Variants in UGT1A9 observed in about 807,000 individuals in gnomAD.
UGT1A9 encodes the protein UDP glucuronosyltransferase family 1 member A9.
Under a neutral mutation model 45.0 loss-of-function variants are expected in UGT1A9, and 35 were observed. The ratio of observed to expected loss-of-function variants is 0.78; its 90% CI spans 0.59 to 1.03. The LOEUF (loss-of-function observed/expected upper bound fraction) is 1.03, where lower values mean the gene tolerates loss of function less well. Among genes scored for constraint, UGT1A9 ranks in the 50% least tolerant of loss-of-function variants. UGT1A9 has a pLI of 0.00. For synonymous variants in UGT1A9, 278 were observed against 250.6 expected, an observed-to-expected ratio of 1.11 and a Z score of -1.03; for missense variants, 687 against 666.6, an observed-to-expected ratio of 1.03 and a Z score of -0.34.
intron 1 of UGT1A9, among the ~76,000 whole-genome samples, chr2:233,677,328 T>C (rs922470813): frequency 6.6e-6 from 1 of 152,144 alleles, no homozygotes; most frequent in African/African-American, 2.4e-5. Flanking sequence ...TCATTGCTAG[T>C]ATAGTTGACC....
At chr2:233,750,527 A>G (rs552056379) in intron 1 of UGT1A9, 33 of 152,112 alleles carry the variant, frequency 2.2e-4, no homozygotes, top group Admixed American at 4.6e-4. Flanking sequence ...ACAATGGGGA[A>G]AATGGCTTCA....
chr2:233,725,827 T>G (rs1405818881), intron 1 of UGT1A9, among the ~76,000 whole-genome samples: 1 of 152,182 alleles, frequency 6.6e-6, no homozygotes. Flanking sequence ...ATACCAGTAT[T>G]GCTACTCCTA....
intron 1 of UGT1A9, chr2:233,681,792 T>A: frequency 2.0e-6 from 3 of 1,465,540 alleles, no homozygotes; most frequent in Non-Finnish European, 1.8e-6. Context: ...TATGAGTAAA[T>A]CATTGGCAGT....
At position 233,729,418 on chromosome 2, in the gene UGT1A9, C is replaced by G. The variant is rs767075573; in HGVS notation, c.856-37616C>G. 8.1e-6 allele frequency: 13 copies of G among 1,613,638 alleles called. No individual in the cohort carries two copies. In the African/African-American group the frequency reaches 1.5e-4, roughly 18 times the overall value. The stretch of plus-strand genomic sequence containing the variant: ...TGATCGCCATGTGCTGGGCCACACT[C>G]AACTGTACTTTGAAACAGAACATTT... On this transcript the variant is annotated intron_variant, in intron 1 of 4. Coordinates refer to ENST00000354728, the MANE Select transcript of UGT1A9 (RefSeq NM_021027.3).
chr2:233,733,504 G>A lies in UGT1A9; in HGVS notation c.856-33530G>A, dbSNP rs556302512. ...TCCATCAATACCTAGTTTATTGCCA[G>A]TTTTAGGCATGAAGGGATGTTTAAT... On this transcript the variant is annotated intron_variant, in intron 1 of 4. Coordinates refer to ENST00000354728, the MANE Select transcript of UGT1A9 (RefSeq NM_021027.3). 2.0e-5 allele frequency among the ~76,000 whole-genome samples: 3 copies of A among 152,294 alleles called. No individual in the cohort carries two copies. In the South Asian group the frequency reaches 6.2e-4, roughly 32 times the overall value.
At chr2:233,719,076 C>A (rs2076722760) in intron 1 of UGT1A9, 1 of 1,614,264 alleles carries the variant, frequency 6.2e-7, no homozygotes, top group East Asian at 2.2e-5. Context: ...TCCATGGACC[C>A]AGAAGGAATT....
chr2:233,757,985 C>T (rs925292779), intron 1 of UGT1A9, among the ~76,000 whole-genome samples: 4 of 152,150 alleles, frequency 2.6e-5, no homozygotes, highest in African/African-American at 7.2e-5. Context: ...AGAGCACCAT[C>T]CCCTGTAATT....
At chr2:233,757,771 A>G (rs925177118) in intron 1 of UGT1A9, among the ~76,000 whole-genome samples, 1 of 151,622 alleles carries the variant, frequency 6.6e-6, no homozygotes, top group Non-Finnish European at 1.5e-5. Context: ...CTTTAGTAAT[A>G]AGCCTGTCAT....
intron 1 of UGT1A9, among the ~76,000 whole-genome samples, chr2:233,717,127 G>T (rs182084738): frequency 7.2e-5 from 11 of 152,266 alleles, no homozygotes; most frequent in Non-Finnish European, 1.6e-4. Context: ...CATGGAAATA[G>T]AACACCACTA....
At chr2:233,728,353 G>T (rs563939650) in intron 1 of UGT1A9, among the ~76,000 whole-genome samples, 5 of 152,310 alleles carry the variant, frequency 3.3e-5, no homozygotes, top group Admixed American at 3.3e-4. Context: ...GTGAGCAGGA[G>T]CTCCCTGAAC....
chr2:233,730,164 C>T (rs556230722), intron 1 of UGT1A9, among the ~76,000 whole-genome samples: 9 of 152,110 alleles, frequency 5.9e-5, no homozygotes, highest in Admixed American at 1.3e-4. Context: ...TCTCTAGTAG[C>T]GTATTTCAGG....
chr2:233,690,906 T>A (rs1187282052), intron 1 of UGT1A9: 1 of 1,025,974 alleles, frequency 9.7e-7, no homozygotes, highest in African/African-American at 1.7e-5. Flanking sequence ...TGCATAGTGA[T>A]GTTAGTTTCA....
rs2074225394 is a variant in UGT1A9, at chr2:233,672,395, G to T, written c.461G>T (p.Gly154Val). Residue 154 changes from glycine (G) to valine (V), a missense_variant, in exon 1 of 5, where the codon GGC becomes GTC. Transcript: ENST00000354728. Reference protein sequence around the residue: ...AVFLDPFDNCGLIVAKYFSLP... With the variant: ...AVFLDPFDNCVLIVAKYFSLP... ...TTTCTCGATCCTTTTGATAACTGTG[G>T]CTTAATTGTTGCCAAATATTTCTCC... 1 of 1,614,000 alleles carries T rather than the reference G, an allele frequency of 6.2e-7. No individual in the cohort carries two copies. Among genetic ancestry groups the T allele is most frequent in the Non-Finnish European group, 8.5e-7 (1 of 1,179,968 alleles).
chr2:233,687,123 C>T (rs1356215553), intron 1 of UGT1A9, among the ~76,000 whole-genome samples: 7 of 152,126 alleles, frequency 4.6e-5, no homozygotes, highest in East Asian at 3.8e-4. Flanking sequence ...AAAAACTCAG[C>T]GTTATCTAGA....
At chr2:233,684,956 TGAAAA>T (rs72373468) in intron 1 of UGT1A9, among the ~76,000 whole-genome samples, 42,574 of 151,734 alleles carry the variant, frequency 0.28, 6,430 homozygotes, top group South Asian at 0.4. Context: ...ATCTGTCTGA[TGAAAA>T]GAAAGCATTG....
intron 1 of UGT1A9, chr2:233,693,974 C>A: frequency 6.4e-7 from 1 of 1,566,540 alleles, no homozygotes; most frequent in Non-Finnish European, 8.6e-7. Context: ...CCTGGAGAAA[C>A]GGTGGGGGGA....
chr2:233,676,561 A>G (rs2125509722), intron 1 of UGT1A9, among the ~76,000 whole-genome samples: 1 of 152,188 alleles, frequency 6.6e-6, no homozygotes, highest in Middle Eastern at 3.4e-3. Context: ...CTTTTATGGG[A>G]TCCCAGTGAT....
chr2:233,719,375 A>G, intron 1 of UGT1A9: 1 of 1,613,982 alleles, frequency 6.2e-7, no homozygotes, highest in Non-Finnish European at 8.5e-7. Context: ...TTAAGGGCAC[A>G]CAGTGTCCAA....
intron 1 of UGT1A9, among the ~76,000 whole-genome samples, chr2:233,724,109 G>T (rs1321159895): frequency 8.8e-6 from 1 of 113,982 alleles, no homozygotes; most frequent in African/African-American, 4.2e-5. Context: ...AGGGGCGGCC[G>T]GGCAGAGGCG....
Sources: allele counts gnomAD v4.1 joint callset (sites outside exome capture counted in the v4.1 genomes callset), GRCh38; gene constraint gnomAD v4.1.1; transcripts MANE v1.5; gene names NCBI Gene and HGNC (gene_info 2026-07-23, HGNC 2026-07-21).